VWA8: variants seen among roughly 807,000 people sequenced by gnomAD.
VWA8 encodes von Willebrand factor A domain-containing protein 8.
A neutral mutation model predicts 241.5 loss-of-function variants in VWA8; 221 were observed. The observed-to-expected ratio is 0.91, with a 90% CI of 0.82 to 1.02. The LOEUF is 1.02. Among genes scored for constraint, VWA8 ranks in the 50% least tolerant of loss-of-function variants. The probability of loss-of-function intolerance (pLI) is 0.00; values close to 1 mark genes in which losing one functional copy is unlikely to be tolerated. For missense variants in VWA8, 2,322 were observed against 2,328.7 expected (o/e 1.00, Z 0.06); for synonymous variants, 852 against 827.1 (o/e 1.03, Z -0.52).
chr13:41,883,558 G>A, intron 8 of VWA8, 67 bp from the exon 9 acceptor site: 2 of 1,205,240 alleles, frequency 1.7e-6, no homozygotes, highest in South Asian at 1.3e-5. Flanking sequence ...CATCTGAAAT[G>A]TACATATGAC....
intron 42 of VWA8, among the ~76,000 whole-genome samples, chr13:41,582,407 C>T (rs1263876666): frequency 1.3e-5 from 2 of 152,076 alleles, no homozygotes; most frequent in Non-Finnish European, 2.9e-5. Context: ...ACAGACCAGG[C>T]CAGCGGCTTC....
At chr13:41,787,099 C>G (rs528342659) in intron 18 of VWA8, among the ~76,000 whole-genome samples, 1 of 147,796 alleles carries the variant, frequency 6.8e-6, no homozygotes, top group Non-Finnish European at 1.5e-5. Context: ...TCTAGATTCA[C>G]TGGTGAAATA....
In VWA8 at chr13:41,611,564, G is replaced by A. The variant is rs1428136156; in HGVS notation, c.4877+12C>T. The A allele has an allele frequency of 6.2e-7, 1 of 1,613,590 alleles. No individual in the cohort carries two copies. Among genetic ancestry groups the A allele is most frequent in the Non-Finnish European group, 8.5e-7 (1 of 1,179,676 alleles). ...GCAGTAGTGCTGGTCTAAATGTGAT[G>A]GGAGCACTGACCTCTGCTGGAATGC... On this transcript the variant is annotated intron_variant, in intron 39 of 44. Coordinates refer to ENST00000379310, the MANE Select transcript of VWA8 (RefSeq NM_015058.2).
chr13:41,785,404 G>A (rs1051284382), intron 18 of VWA8, among the ~76,000 whole-genome samples: 22 of 151,742 alleles, frequency 1.4e-4, no homozygotes, highest in African/African-American at 5.1e-4. Flanking sequence ...TGCAACCTGT[G>A]GAAATACCTT....
At chr13:41,740,770 T>A (rs2045563914) in intron 21 of VWA8, among the ~76,000 whole-genome samples, 1 of 152,190 alleles carries the variant, frequency 6.6e-6, no homozygotes, top group Non-Finnish European at 1.5e-5. Context: ...AATCTACCAC[T>A]TCAGGATGAA....
Position 41,815,377 on chromosome 13 carries a change from T to C in VWA8, c.1947+1321A>G, listed in dbSNP as rs527487831. Among the ~76,000 whole-genome samples, 30 of 152,342 alleles carry C rather than the reference T, an allele frequency of 2.0e-4. No homozygotes were observed. In the South Asian group the frequency reaches 2.9e-3, roughly 15 times the overall value. ...GTCAATGTTACTTTCTATGGCAAAATTGACTTTGCAAATAAGATTAAGATA... is the reference window on the plus strand; with the variant it reads ...GTCAATGTTACTTTCTATGGCAAAACTGACTTTGCAAATAAGATTAAGATA... On this transcript the variant is annotated intron_variant, in intron 16 of 44. Transcript: ENST00000379310.
chr13:41,716,101 A>G (rs968587755), intron 26 of VWA8, among the ~76,000 whole-genome samples: 1 of 151,974 alleles, frequency 6.6e-6, no homozygotes, highest in Admixed American at 6.6e-5. Context: ...AAATCTCAGG[A>G]AGTACTAGTG....
intron 42 of VWA8, among the ~76,000 whole-genome samples, chr13:41,577,371 TTA>T (rs926755620): frequency 2.3e-4 from 34 of 150,346 alleles, no homozygotes; most frequent in African/African-American, 8.5e-4. Flanking sequence ...GAAAAAAAAA[TTA>T]TTCTTAGTAT....
chr13:41,759,563 C>A (rs753026452), intron 21 of VWA8, among the ~76,000 whole-genome samples: 1 of 151,492 alleles, frequency 6.6e-6, no homozygotes, highest in Non-Finnish European at 1.5e-5. Flanking sequence ...GTATGTGAAG[C>A]TGCTTTTTTA....
At chr13:41,928,833 AG>A (rs199630087) in intron 2 of VWA8, among the ~76,000 whole-genome samples, 38 of 150,874 alleles carry the variant, frequency 2.5e-4, no homozygotes, top group South Asian at 4.2e-4. Flanking sequence ...AGCTTGTTTA[AG>A]GGAAAAAAAA....
intron 29 of VWA8, among the ~76,000 whole-genome samples, 174 bp from the exon 30 acceptor site, chr13:41,693,146 T>G (rs1198624286): frequency 6.6e-6 from 1 of 151,974 alleles, no homozygotes; most frequent in African/African-American, 2.4e-5. Context: ...TTCTTAAGAA[T>G]CACAAAGAAT....
chr13:41,786,106 C>CA (rs1438729300), intron 18 of VWA8, among the ~76,000 whole-genome samples: 1 of 152,108 alleles, frequency 6.6e-6, no homozygotes, highest in Non-Finnish European at 1.5e-5. Flanking sequence ...TATTTTGGTA[C>CA]ATTTGTCAAG....
At chr13:41,824,135 C>G (rs1369902981) in intron 14 of VWA8, among the ~76,000 whole-genome samples, 2 of 152,144 alleles carry the variant, frequency 1.3e-5, no homozygotes, top group Admixed American at 6.5e-5. Flanking sequence ...TTAAATCTGT[C>G]TTGGTCTTGG....
At chr13:41,771,886 C>CTTTTTT (rs10639837) in intron 20 of VWA8, among the ~76,000 whole-genome samples, 9 of 100,266 alleles carry the variant, frequency 9.0e-5, no homozygotes, top group Non-Finnish European at 1.2e-4. Context: ...CCAGCAGGGA[C>CTTTTTT]TTTTTTTTTT....
chr13:41,931,345 C>T (rs1380055992), intron 2 of VWA8, among the ~76,000 whole-genome samples: 14 of 131,122 alleles, frequency 1.1e-4, no homozygotes, highest in Non-Finnish European at 1.6e-4. Context: ...CTGGTTGGGG[C>T]GGTGGGGTGC....
intron 29 of VWA8, among the ~76,000 whole-genome samples, chr13:41,698,764 TTGTC>T (rs980742679): frequency 2.0e-5 from 3 of 152,242 alleles, no homozygotes; most frequent in Non-Finnish European, 4.4e-5. Flanking sequence ...GTTGGTTTAC[TTGTC>T]TATCTCCCCA....
rs558385948 is a variant in VWA8, at chr13:41,749,609, T to C, written c.2426+11519A>G. Among the ~76,000 whole-genome samples, 31 of 152,234 alleles carry C rather than the reference T, an allele frequency of 2.0e-4. No individual in the cohort carries two copies. The South Asian group carries it at 6.0e-3, about 29-fold the overall frequency. On this transcript the variant is annotated intron_variant, in intron 21 of 44. Transcript: ENST00000379310. The stretch of plus-strand genomic sequence containing the variant: ...AGCAAAGACTTGGAACCAACCCAAA[T>C]GTCCAACAATGATAGACTAGATTAA...
chr13:41,910,261 T>C (rs1306366407), intron 3 of VWA8, among the ~76,000 whole-genome samples: 1 of 152,180 alleles, frequency 6.6e-6, no homozygotes, highest in African/African-American at 2.4e-5. Flanking sequence ...GATATTGTGG[T>C]CTTTGAAATA....
At chr13:41,732,027 C>T (rs1160448499) in intron 22 of VWA8, 53 bp downstream of exon 22, 2 of 1,523,996 alleles carry the variant, frequency 1.3e-6, no homozygotes, top group Middle Eastern at 1.8e-4. Flanking sequence ...AACTGAAATA[C>T]AACTATGATA....
Sources: allele counts gnomAD v4.1 joint callset (sites outside exome capture counted in the v4.1 genomes callset), GRCh38; gene constraint gnomAD v4.1.1; transcripts MANE v1.5; gene names NCBI Gene and HGNC (gene_info 2026-07-23, HGNC 2026-07-21).